Variants in ZNF578 observed in about 807,000 individuals in gnomAD.
ZNF578 encodes Putative chemokine-related protein B42.
ZNF578 carries 8 observed loss-of-function variants against 8.3 expected under a neutral mutation model. That is an observed-to-expected ratio of 0.96 (90% confidence interval 0.56 to 1.74). The LOEUF (loss-of-function observed/expected upper bound fraction) is 1.74, where lower values mean the gene tolerates loss of function less well. Among genes scored for constraint, ZNF578 ranks in the 40% most tolerant of loss-of-function variants. The probability of loss-of-function intolerance (pLI) is 0.00; values close to 1 mark genes in which losing one functional copy is unlikely to be tolerated. For missense variants in ZNF578, 726 were observed against 707.5 expected, an observed-to-expected ratio of 1.03 and a Z score of -0.30; for synonymous variants, 206 against 232.2, an observed-to-expected ratio of 0.89 and a Z score of 1.03.
rs1568468536 is a variant in ZNF578, at chr19:52,511,808, T to C, written c.1427T>C (p.Ile476Thr). Residue 476 changes from isoleucine to threonine, a missense_variant, in exon 6 of 6, where the codon ATT (isoleucine) becomes ACT (threonine). Physicochemically the swap from Ile to Thr is moderately conservative, Grantham distance 89. Coordinates refer to ENST00000421239, the MANE Select transcript of ZNF578 (RefSeq NM_001099694.2). ...TCAAACCTTGAGAGACACAAGATAA[T>C]TCATACTGGAGAGAAACCTTACAAG... ...QKSNLERHKI[I>T]HTGEKPYKCN... 1 of 1,613,324 alleles carries C rather than the reference T, an allele frequency of 6.2e-7. No homozygotes were observed. The highest frequency in any genetic ancestry group is 8.5e-7 in the Non-Finnish European group (1 of 1,179,712).
intron 2 of ZNF578, among the ~76,000 whole-genome samples, chr19:52,472,386 A>G (rs1231525088): frequency 6.6e-6 from 1 of 152,226 alleles, no homozygotes; most frequent in African/African-American, 2.4e-5. Flanking sequence ...TATATTACCA[A>G]CAGTTAAATG....
rs2059469991 is a variant in ZNF578 at position 52,515,412 on chromosome 19, T to A, written c.*3258T>A. On this transcript the variant is annotated 3_prime_UTR_variant, in exon 6 of 6. Transcript: ENST00000421239. ...GTTTTTTGTAAGGAAGAATTAACTG[T>A]CAGGAATCAATGTCATCAGAACCTT... Among the ~76,000 whole-genome samples, 1 of 152,180 alleles carries A rather than the reference T, an allele frequency of 6.6e-6. No homozygotes were observed. Among genetic ancestry groups the A allele is most frequent in the Admixed American group, 6.6e-5 (1 of 15,258 alleles).
intron 2 of ZNF578, 146 bp from the exon 3 acceptor site, chr19:52,491,178 A>G (rs1055958094): frequency 6.5e-6 from 1 of 153,718 alleles, no homozygotes; most frequent in Non-Finnish European, 1.5e-5. Context: ...ATATTAAAGA[A>G]TCTTACTCCT....
chr19:52,496,505 A>C (rs1256645038), intron 3 of ZNF578, among the ~76,000 whole-genome samples: 1 of 138,008 alleles, frequency 7.2e-6, no homozygotes, highest in Non-Finnish European at 1.6e-5. Context: ...AATTTTTTGT[A>C]TTTTTAGTAG....
intron 3 of ZNF578, among the ~76,000 whole-genome samples, chr19:52,497,798 A>AT (rs573106623): frequency 1.3e-3 from 197 of 152,040 alleles, no homozygotes; most frequent in African/African-American, 4.2e-3. Flanking sequence ...AGCCTATTCC[A>AT]TTTTCTTTTC....
intron 2 of ZNF578, among the ~76,000 whole-genome samples, chr19:52,485,913 G>C (rs999052770): frequency 1.3e-5 from 2 of 152,108 alleles, no homozygotes; most frequent in Non-Finnish European, 1.5e-5. Context: ...ATATGGCCTC[G>C]TGGGAAGGGA....
intron 2 of ZNF578, among the ~76,000 whole-genome samples, chr19:52,489,090 C>T (rs552793613): frequency 3.3e-5 from 5 of 151,902 alleles, no homozygotes; most frequent in African/African-American, 1.2e-4. Flanking sequence ...CAGAGTGAGA[C>T]TCCGTCTGCC....
At chr19:52,500,319 T>A (rs1403701811) in intron 3 of ZNF578, among the ~76,000 whole-genome samples, 1 of 152,134 alleles carries the variant, frequency 6.6e-6, no homozygotes, top group African/African-American at 2.4e-5. Context: ...TGGGAGAACT[T>A]TAAACAAAGG....
chr19:52,468,048 C>G (rs545969768), intron 2 of ZNF578, among the ~76,000 whole-genome samples: 140 of 152,052 alleles, frequency 9.2e-4, no homozygotes, highest in African/African-American at 2.8e-3. Context: ...GCCCCCTAAA[C>G]TTTTCACTAT....
In ZNF578 at chr19:52,514,421, C is replaced by T. The variant is rs1171010029; in HGVS notation, c.*2267C>T. ...ATTTATTGGAAGGCTGTGGTACCTA[C>T]TACTTAAGTTTGATTGTTGCAGTGT... On this transcript the variant is annotated 3_prime_UTR_variant, in exon 6 of 6. Transcript: ENST00000421239. Among the ~76,000 whole-genome samples, 1 of 152,204 alleles carries T rather than the reference C, an allele frequency of 6.6e-6. No individual in the cohort carries two copies. The highest frequency in any genetic ancestry group is 2.4e-5 in the African/African-American group (1 of 41,466).
chr19:52,463,832 T>A (rs1434704965), intron 2 of ZNF578, among the ~76,000 whole-genome samples: 2 of 152,162 alleles, frequency 1.3e-5, no homozygotes, highest in East Asian at 3.8e-4. Context: ...TTCCCAGTAC[T>A]GTAGCCATCA....
rs202138665 is a variant in ZNF578 at position 52,504,682 on chromosome 19, A to G, written c.91A>G (p.Ile31Val). The G allele has an allele frequency of 1.3e-3, 2,037 of 1,614,112 alleles. 23 individuals carry two copies. In the Middle Eastern group the frequency reaches 0.014, roughly 11 times the overall value. The change falls in exon 5 of 6, where the codon ATA (isoleucine) becomes GTA (valine). Residue 31 changes from isoleucine to valine, a missense_variant. By Grantham distance (29) the Ile-to-Val change is conservative. Transcript: ENST00000421239. ...ACGCTTGACTTTCAGGGATGTGGCT[A>G]TAGAATTCTCATTGGCAGAGTGGAA... ...QGRLTFRDVA[I>V]EFSLAEWKFL...
Position 52,495,139 on chromosome 19 carries a change from G to A in ZNF578, c.-20+3714G>A, listed in dbSNP as rs1017881717. Among the ~76,000 whole-genome samples the A allele has an allele frequency of 4.8e-5, 7 of 147,112 alleles. 1 individual carries two copies. Among genetic ancestry groups the A allele is most frequent in the African/African-American group, 7.4e-5 (3 of 40,318 alleles). ...TGGGATTACAGGGATGAGCCACCGCGCCCAGCCTACATACTAATTATTATT... is the reference window on the plus strand; with the variant it reads ...TGGGATTACAGGGATGAGCCACCGCACCCAGCCTACATACTAATTATTATT... On this transcript the variant is annotated intron_variant, in intron 3 of 5. Transcript: ENST00000421239.
intron 2 of ZNF578, chr19:52,457,208 G>C (rs2059242305): frequency 6.6e-6 from 1 of 152,138 alleles, no homozygotes; most frequent in African/African-American, 2.4e-5. Context: ...CCTCCTCCGA[G>C]AGCTTCCCAC....
rs7257685 is a variant in ZNF578, at chr19:52,515,881, C to T, written c.*3727C>T. Among the ~76,000 whole-genome samples, 36,313 of 151,994 alleles carry T rather than the reference C, an allele frequency of 0.24. 4,641 individuals are homozygous for T. The highest frequency in any genetic ancestry group is 0.29 in the Middle Eastern group (86 of 294). ...TTCAAGGCCTTTCTCTGTATGAGGA[C>T]ATCACAGCAAAATCTAAAGCAGGTC... is the stretch of plus-strand genomic sequence containing the variant. On this transcript the variant is annotated 3_prime_UTR_variant, in exon 6 of 6. Transcript: ENST00000421239.
rs186499297 is a variant in ZNF578 at position 52,459,810 on chromosome 19, C to T, written c.-122+2852C>T. On this transcript the variant is annotated intron_variant, in intron 2 of 5. Transcript: ENST00000421239. ...TTTTTTTTTGAGATGGAGTCTTACT[C>T]TGTCACCAGGCTGGAGTGCAGTGGT... Among the ~76,000 whole-genome samples the T allele has an allele frequency of 2.3e-3, 228 of 97,130 alleles. 7 individuals carry two copies. In the East Asian group the frequency reaches 0.047, roughly 20 times the overall value. The allele number at this position is 97,130 out of a possible 152,430, so 63.7% of individuals were successfully genotyped here.
At chr19:52,467,609 C>A (rs1307816012) in intron 2 of ZNF578, among the ~76,000 whole-genome samples, 2 of 151,068 alleles carry the variant, frequency 1.3e-5, no homozygotes, top group South Asian at 2.1e-4. Flanking sequence ...AGAGTGAGAC[C>A]CCAGCTCTTA....
intron 1 of ZNF578, chr19:52,454,904 G>C (rs1232599602): frequency 6.6e-6 from 1 of 151,606 alleles, no homozygotes; most frequent in Non-Finnish European, 1.5e-5. Flanking sequence ...AAAGTATCCT[G>C]TGTTGAGCAC....
rs1003775298 is a variant in ZNF578 at position 52,513,379 on chromosome 19, AGAGATAGTACTTTTTT to A, written c.*1242_*1257del. Among the ~76,000 whole-genome samples, 6 of 136,984 alleles carry A rather than the reference AGAGATAGTACTTTTTT, an allele frequency of 4.4e-5. No homozygotes were observed. In the South Asian group the frequency reaches 7.0e-4, roughly 16 times the overall value. 89.9% of individuals were successfully genotyped at this position (136,984 alleles called of 152,430 possible). A position where few individuals can be genotyped will look rare whatever the true frequency, so the allele number is the denominator to read the frequency against. ...TTTTTTTTGAGATAGTACTTTTTAA[AGAGATAGTACTTTTTT>A]GAGATAGTACTTTTTTAAAGGGATA... On this transcript the variant is annotated 3_prime_UTR_variant, in exon 6 of 6. Transcript: ENST00000421239.
Sources: allele counts gnomAD v4.1 joint callset (sites outside exome capture counted in the v4.1 genomes callset), GRCh38; gene constraint gnomAD v4.1.1; transcripts MANE v1.5; gene names NCBI Gene and HGNC (gene_info 2026-07-23, HGNC 2026-07-21).